The following FZD3 variants were observed in gnomAD, a reference collection of about 807,000 sequenced individuals.
The protein encoded by FZD3 is frizzled-3.
In FZD3, 30 loss-of-function variants were observed where a neutral mutation model predicts 60.7. The ratio of observed to expected loss-of-function variants is 0.49; its 90% confidence interval spans 0.37 to 0.67. FZD3 has a LOEUF of 0.67. Ranked by LOEUF, FZD3 falls within the 30% of genes least tolerant of loss-of-function variation. The pLI is 0.00. For synonymous variants in FZD3, 246 were observed against 275.2 expected (o/e 0.89, Z 1.05); for missense variants, 605 against 838.7 (o/e 0.72, Z 3.44).
At position 28,520,718 on chromosome 8, in the gene FZD3, G is replaced by A. The variant is rs746607374; in HGVS notation, c.270G>A (p.Met90Ile). The A allele has an allele frequency of 1.9e-6, 3 of 1,612,146 alleles. No individual in the cohort carries two copies. The African/African-American group carries it at 4.0e-5, about 21-fold the overall frequency. Reference protein sequence around the residue: ...FLCALYAPICMEYGRVTLPCR... With the variant: ...FLCALYAPICIEYGRVTLPCR... Reference sequence around the variant, plus strand: ...GTGCACTCTACGCTCCTATTTGTATGGAATATGGACGTGTCACACTTCCCT... The same window carrying A: ...GTGCACTCTACGCTCCTATTTGTATAGAATATGGACGTGTCACACTTCCCT... Residue 90 changes from methionine to isoleucine, a missense_variant, in exon 4 of 8, where the codon ATG becomes ATA. Transcript: ENST00000240093.
intron 3 of FZD3, among the ~76,000 whole-genome samples, chr8:28,517,418 A>G (rs781177090): frequency 6.6e-6 from 1 of 152,030 alleles, no homozygotes; most frequent in Non-Finnish European, 1.5e-5. Flanking sequence ...GTTTTCTTGT[A>G]TTTATCCTTC....
intron 3 of FZD3, among the ~76,000 whole-genome samples, chr8:28,515,880 T>C (rs1382737880): frequency 1.3e-5 from 2 of 152,234 alleles, no homozygotes; most frequent in African/African-American, 4.8e-5. Flanking sequence ...GATAGTGTCC[T>C]TCCATATACA....
chr8:28,538,956 G>A (rs1468024105), intron 5 of FZD3, among the ~76,000 whole-genome samples: 1 of 151,824 alleles, frequency 6.6e-6, no homozygotes, highest in African/African-American at 2.4e-5. Flanking sequence ...CCTAGTAAGA[G>A]AAAATAAACA....
intron 3 of FZD3, among the ~76,000 whole-genome samples, chr8:28,509,996 G>C (rs1370152789): frequency 6.6e-6 from 1 of 152,158 alleles, no homozygotes; most frequent in East Asian, 1.9e-4. Context: ...TTAATTTTTT[G>C]AAGAACTGTC....
chr8:28,531,054 G>A (rs1461993865), intron 5 of FZD3, among the ~76,000 whole-genome samples: 1 of 152,016 alleles, frequency 6.6e-6, no homozygotes, highest in African/African-American at 2.4e-5. Flanking sequence ...ATATGTATCT[G>A]TATCTGTTTG....
intron 1 of FZD3, among the ~76,000 whole-genome samples, chr8:28,499,413 T>C (rs1301658061): frequency 6.6e-6 from 1 of 152,190 alleles, no homozygotes; most frequent in Non-Finnish European, 1.5e-5. Flanking sequence ...ATTTAACCAA[T>C]TTCTTATTGG....
At chr8:28,517,433 G>A (rs1297936785) in intron 3 of FZD3, among the ~76,000 whole-genome samples, 1 of 152,202 alleles carries the variant, frequency 6.6e-6, no homozygotes, top group Admixed American at 6.5e-5. Flanking sequence ...TCCTTCTTGC[G>A]GTTTGCACAA....
intron 3 of FZD3, among the ~76,000 whole-genome samples, chr8:28,511,433 C>T (rs528598272): frequency 1.4e-4 from 22 of 152,218 alleles, no homozygotes; most frequent in Non-Finnish European, 2.1e-4. Context: ...TGCAGTGAGC[C>T]GTGATTGCGC....
chr8:28,515,650 T>C (rs1490815438), intron 3 of FZD3, among the ~76,000 whole-genome samples: 1 of 152,188 alleles, frequency 6.6e-6, no homozygotes, highest in Non-Finnish European at 1.5e-5. Context: ...AGGAAGGTCA[T>C]ACACCAGTAA....
chr8:28,561,363 C>T (rs1463724980), intron 7 of FZD3, among the ~76,000 whole-genome samples: 1 of 151,900 alleles, frequency 6.6e-6, no homozygotes, highest in Non-Finnish European at 1.5e-5. Flanking sequence ...GGCCAAAAGA[C>T]GTGTTTAAAA....
intron 3 of FZD3, among the ~76,000 whole-genome samples, chr8:28,514,775 C>T (rs1804381217): frequency 6.6e-6 from 1 of 152,192 alleles, no homozygotes; most frequent in Non-Finnish European, 1.5e-5. Flanking sequence ...GAGAATTTAG[C>T]AGGGTTCCTC....
chr8:28,551,885 A>G, intron 6 of FZD3, 134 bp downstream of exon 6: 1 of 725,200 alleles, frequency 1.4e-6, no homozygotes, highest in East Asian at 2.7e-5. Flanking sequence ...GTATCCAGTT[A>G]TGATTGGCAC....
intron 5 of FZD3, among the ~76,000 whole-genome samples, chr8:28,539,551 A>G (rs2130424887): frequency 6.6e-6 from 1 of 152,318 alleles, no homozygotes; most frequent in East Asian, 1.9e-4. Flanking sequence ...AAAAGTACGC[A>G]AAAGTGGGAA....
intron 1 of FZD3, among the ~76,000 whole-genome samples, chr8:28,499,199 ACAAT>A (rs2130259555): frequency 6.6e-6 from 1 of 152,326 alleles, no homozygotes; most frequent in African/African-American, 2.4e-5. Flanking sequence ...TTATTTTTAA[ACAAT>A]CGAAATAGTT....
intron 5 of FZD3, among the ~76,000 whole-genome samples, chr8:28,540,105 T>C (rs1805124562): frequency 6.6e-6 from 1 of 152,166 alleles, no homozygotes. Context: ...ATGTAGGCTA[T>C]TTATAGCTAG....
At chr8:28,528,186 AT>A (rs1563393424) in intron 5 of FZD3, 22 bp downstream of exon 5, 2 of 1,548,082 alleles carry the variant, frequency 1.3e-6, no homozygotes, top group Admixed American at 3.8e-5. Flanking sequence ...CTTGTTACAA[AT>A]TTCAGAATAT....
intron 3 of FZD3, among the ~76,000 whole-genome samples, chr8:28,510,491 C>G (rs2130309395): frequency 6.6e-6 from 1 of 152,212 alleles, no homozygotes; most frequent in Middle Eastern, 3.4e-3. Context: ...TTGTTTTAAA[C>G]CAGTATGATA....
intron 1 of FZD3, among the ~76,000 whole-genome samples, chr8:28,495,916 CCT>C (rs1351032158): frequency 6.6e-6 from 1 of 151,764 alleles, no homozygotes; most frequent in African/African-American, 2.4e-5. Context: ...ATCATTCTAC[CCT>C]CTCTTTCCTC....
At chr8:28,526,039 A>G (rs1258170459) in intron 4 of FZD3, among the ~76,000 whole-genome samples, 1 of 152,214 alleles carries the variant, frequency 6.6e-6, no homozygotes, top group Non-Finnish European at 1.5e-5. Context: ...ATTTGCTTTC[A>G]GAAGGGTTGA....
Sources: allele counts gnomAD v4.1 joint callset (sites outside exome capture counted in the v4.1 genomes callset), GRCh38; gene constraint gnomAD v4.1.1; transcripts MANE v1.5; gene names NCBI Gene and HGNC (gene_info 2026-07-23, HGNC 2026-07-21).